The following AGAP1 variants were observed in gnomAD, a reference collection of about 807,000 sequenced individuals.
The protein encoded by AGAP1 is arf-GAP with GTPase, ANK repeat and PH domain-containing protein 1.
AGAP1 carries 29 observed loss-of-function variants against 105.3 expected under a neutral mutation model. The observed-to-expected ratio is 0.28, with a 90% confidence interval of 0.21 to 0.38. AGAP1 has a LOEUF of 0.38. Among genes scored for constraint, AGAP1 ranks in the 10% least tolerant of loss-of-function variants. The pLI is 1.00. For missense variants in AGAP1, 998 were observed against 1,165.1 expected (o/e 0.86, Z 2.09); for synonymous variants, 509 against 485.9 (o/e 1.05, Z -0.63).
At chr2:235,929,292 G>A (rs1559658799) in intron 11 of AGAP1, among the ~76,000 whole-genome samples, 1 of 152,108 alleles carries the variant, frequency 6.6e-6, no homozygotes, top group Non-Finnish European at 1.5e-5. Context: ...GGTGGCAGGT[G>A]GGGCCTGGGA....
intron 1 of AGAP1, among the ~76,000 whole-genome samples, chr2:235,514,713 G>A (rs754081360): frequency 2.6e-5 from 4 of 152,262 alleles, no homozygotes; most frequent in East Asian, 1.9e-4. Context: ...TTGCTGTGAC[G>A]TGGGCTGCAC....
intron 1 of AGAP1, among the ~76,000 whole-genome samples, chr2:235,571,160 G>A (rs995718141): frequency 2.6e-5 from 4 of 152,194 alleles, no homozygotes; most frequent in African/African-American, 9.6e-5. Flanking sequence ...ACAGCACCAA[G>A]GGGACGGTGC....
chr2:235,817,547 A>G (rs1444372932), intron 9 of AGAP1, among the ~76,000 whole-genome samples: 3 of 152,172 alleles, frequency 2.0e-5, no homozygotes, highest in East Asian at 1.9e-4. Context: ...GCTGACAGCT[A>G]TAAGTAAATA....
rs555536990 is a variant in AGAP1 at position 235,863,617 on chromosome 2, G to A, written c.1051-19728G>A. Among the ~76,000 whole-genome samples the A allele has an allele frequency of 9.2e-5, 14 of 152,324 alleles. No individual in the cohort carries two copies. The South Asian group carries it at 2.5e-3, about 27-fold the overall frequency. On this transcript the variant is annotated intron_variant, in intron 9 of 17. Coordinates refer to ENST00000304032, the MANE Select transcript of AGAP1 (RefSeq NM_001037131.3). ...GACGCTGGCTGGGGTTAGGGAGGCA[G>A]TGTGAGGTGGGCCTCCTGGGCCCGA...
intron 13 of AGAP1, among the ~76,000 whole-genome samples, chr2:236,031,957 G>A (rs537166446): frequency 2.6e-4 from 39 of 152,276 alleles, no homozygotes; most frequent in African/African-American, 7.9e-4. Flanking sequence ...TGGGCCTGCC[G>A]TTCACTGCAG....
In AGAP1 at chr2:235,750,077, C is replaced by T. The variant is rs528596416; in HGVS notation, c.539-277C>T. Among the ~76,000 whole-genome samples, 6 of 152,244 alleles carry T rather than the reference C, an allele frequency of 3.9e-5. No homozygotes were observed. The highest frequency in any genetic ancestry group is 3.3e-4 in the Admixed American group (5 of 15,302). ...TTTTCCTCCTTTCTAAAGTATGTAT[C>T]CTCTAGACCCATATTTAAGTCTTTT... On this transcript the variant is annotated intron_variant, in intron 5 of 17. Coordinates refer to ENST00000304032, the MANE Select transcript of AGAP1 (RefSeq NM_001037131.3). The surrounding 1 kb of genome is among the most constrained non-coding windows in gnomAD (Gnocchi z 5.3).
At chr2:235,808,608 G>A (rs563473221) in intron 9 of AGAP1, among the ~76,000 whole-genome samples, 9 of 152,286 alleles carry the variant, frequency 5.9e-5, no homozygotes, top group South Asian at 2.1e-4. Flanking sequence ...CAGCGTAACC[G>A]ACCCTGCCCG....
intron 13 of AGAP1, among the ~76,000 whole-genome samples, chr2:235,995,026 C>T (rs1363625030): frequency 1.6e-5 from 2 of 121,828 alleles, no homozygotes; most frequent in Non-Finnish European, 3.2e-5. Flanking sequence ...GAGATCGCGC[C>T]TTGCACTCCA....
In AGAP1 at chr2:236,014,738, AT is replaced by A; in HGVS notation, c.1646-21820del. 1 of 376,306 alleles carries A rather than the reference AT, an allele frequency of 2.7e-6. No homozygotes were observed. 23.3% of individuals were successfully genotyped at this position (376,306 alleles called of 1,614,324 possible). On this transcript the variant is annotated intron_variant, in intron 13 of 17. Coordinates refer to ENST00000304032, the MANE Select transcript of AGAP1 (RefSeq NM_001037131.3). The surrounding 1 kb of genome is among the most constrained non-coding windows in gnomAD (Gnocchi z 6.3). ...TGACCTTTTTTTTTCTCCCCTTTTCATTTGTTTTCTTTTCCTTTTTGTTTTC... is the reference window on the plus strand; with the variant it reads ...TGACCTTTTTTTTTCTCCCCTTTTCATTGTTTTCTTTTCCTTTTTGTTTTC...
chr2:235,917,522 A>G (rs2051951296), intron 11 of AGAP1, among the ~76,000 whole-genome samples: 1 of 151,512 alleles, frequency 6.6e-6, no homozygotes, highest in South Asian at 2.1e-4. Flanking sequence ...GGCTCTAAAG[A>G]TGGGTCATAA....
intron 9 of AGAP1, among the ~76,000 whole-genome samples, chr2:235,812,042 T>C (rs199673717): frequency 6.6e-6 from 1 of 152,218 alleles, no homozygotes; most frequent in Admixed American, 6.5e-5. Flanking sequence ...TCCTCTGCGA[T>C]GCCCGCCAAG....
rs2055445891 is a variant in AGAP1 at position 235,989,076 on chromosome 2, T to A, written c.1645+20453T>A. Among the ~76,000 whole-genome samples, 1 of 152,204 alleles carries A rather than the reference T, an allele frequency of 6.6e-6. No homozygotes were observed. On this transcript the variant is annotated intron_variant, in intron 13 of 17. Transcript: ENST00000304032. This position sits in a 1 kb window ranked among gnomAD's most constrained non-coding sequence, Gnocchi z 4.4. ...AGAGTTTGCATCCCCTGAGAATTCC[T>A]CTCCTGTGTCCTTCAAATAATAATG...
At position 235,899,501 on chromosome 2, in the gene AGAP1, G is replaced by A. The variant is rs1321929777; in HGVS notation, c.1156-9237G>A. ...GCACTCCAGCCTGGGCAACAAGAGCGAAACTGTGTCTTAAAAATATATATA... is the reference window on the plus strand; with the variant it reads ...GCACTCCAGCCTGGGCAACAAGAGCAAAACTGTGTCTTAAAAATATATATA... On this transcript the variant is annotated intron_variant, in intron 10 of 17. Transcript: ENST00000304032. Among the ~76,000 whole-genome samples the A allele has an allele frequency of 7.9e-5, 12 of 152,188 alleles. No individual in the cohort carries two copies. In the East Asian group the frequency reaches 9.6e-4, roughly 12 times the overall value.
At chr2:235,603,643 CA>C (rs1945814902) in intron 1 of AGAP1, among the ~76,000 whole-genome samples, 1 of 152,188 alleles carries the variant, frequency 6.6e-6, no homozygotes, top group African/African-American at 2.4e-5. Context: ...CTTCTCCTTT[CA>C]GTAAAATTAT....
chr2:235,925,236 G>C (rs909543621), intron 11 of AGAP1, among the ~76,000 whole-genome samples: 2 of 152,186 alleles, frequency 1.3e-5, no homozygotes, highest in Admixed American at 1.3e-4. Flanking sequence ...CCAGGAAGGA[G>C]GGCATTCTAA....
At position 236,046,778 on chromosome 2, in the gene AGAP1, A is replaced by G. The variant is rs2057728805; in HGVS notation, c.1892-2281A>G. Among the ~76,000 whole-genome samples the G allele has an allele frequency of 6.6e-6, 1 of 152,136 alleles. No individual in the cohort carries two copies. Among genetic ancestry groups the G allele is most frequent in the African/African-American group, 2.4e-5 (1 of 41,426 alleles). ...GAGGAAGAGCTGGGAAAGAGATCAC[A>G]ACGGAGCAACCAGGAAAGTGGGGAA... On this transcript the variant is annotated intron_variant, in intron 15 of 17. Transcript: ENST00000304032. This position sits in a 1 kb window ranked among gnomAD's most constrained non-coding sequence, Gnocchi z 5.2.
chr2:236,057,607 C>A (rs893417015), intron 16 of AGAP1, among the ~76,000 whole-genome samples: 2 of 152,198 alleles, frequency 1.3e-5, no homozygotes, highest in Admixed American at 1.3e-4. Flanking sequence ...GTCCCTGACC[C>A]AACACTGCGT....
At chr2:235,757,909 T>A in intron 6 of AGAP1, among the ~76,000 whole-genome samples, 1 of 152,228 alleles carries the variant, frequency 6.6e-6, no homozygotes. Flanking sequence ...TCTGTGAATG[T>A]AAGCAGTCTT....
intron 6 of AGAP1, among the ~76,000 whole-genome samples, chr2:235,796,820 T>G (rs928950229): frequency 6.6e-6 from 1 of 152,216 alleles, no homozygotes; most frequent in Non-Finnish European, 1.5e-5. Context: ...ACTTAATTAC[T>G]GCTAGTCCCC....
Sources: allele counts gnomAD v4.1 joint callset (sites outside exome capture counted in the v4.1 genomes callset), GRCh38; gene constraint gnomAD v4.1.1; non-coding constraint Gnocchi (gnomAD v3.1); transcripts MANE v1.5; gene names NCBI Gene and HGNC (gene_info 2026-07-23, HGNC 2026-07-21).